ADAMTS20: variants seen among roughly 807,000 people sequenced by gnomAD.
The protein encoded by ADAMTS20 is A disintegrin and metalloproteinase with thrombospondin motifs 20.
A neutral mutation model predicts 260.1 loss-of-function variants in ADAMTS20; 225 were observed. The ratio of observed to expected loss-of-function variants is 0.87; its 90% CI spans 0.78 to 0.97. The LOEUF (loss-of-function observed/expected upper bound fraction) is 0.97, where lower values mean the gene tolerates loss of function less well. Ranked by LOEUF, ADAMTS20 falls within the 50% of genes least tolerant of loss-of-function variation. ADAMTS20 has a pLI of 0.00. For missense variants in ADAMTS20, 2,400 were observed against 2,337.7 expected, an observed-to-expected ratio of 1.03 and a Z score of -0.55; for synonymous variants, 802 against 769.5, an observed-to-expected ratio of 1.04 and a Z score of -0.70.
At chr12:43,446,804 G>T in intron 14 of ADAMTS20, 92 bp from the exon 15 acceptor site, 1 of 1,055,494 alleles carries the variant, frequency 9.5e-7, no homozygotes, top group Non-Finnish European at 1.4e-6. Flanking sequence ...ATATGACAAA[G>T]GGGATTTACC....
At chr12:43,404,392 T>C (rs1430991018) in intron 28 of ADAMTS20, among the ~76,000 whole-genome samples, 9 of 152,184 alleles carry the variant, frequency 5.9e-5, no homozygotes, top group Non-Finnish European at 1.5e-5. Flanking sequence ...CCACATGAAC[T>C]GATTTAGATG....
At chr12:43,359,738 C>A (rs1243476286) in intron 37 of ADAMTS20, among the ~76,000 whole-genome samples, 1 of 152,178 alleles carries the variant, frequency 6.6e-6, no homozygotes, top group East Asian at 1.9e-4. Flanking sequence ...AAAACATTGT[C>A]TTTTCAACAC....
intron 3 of ADAMTS20, among the ~76,000 whole-genome samples, chr12:43,520,995 A>T (rs1349344261): frequency 6.6e-6 from 1 of 152,222 alleles, no homozygotes; most frequent in Non-Finnish European, 1.5e-5. Flanking sequence ...TTCCCAAAGC[A>T]TCTTTTGCAA....
chr12:43,542,399 T>C (rs1048395022), intron 2 of ADAMTS20, among the ~76,000 whole-genome samples: 1 of 152,216 alleles, frequency 6.6e-6, no homozygotes, highest in African/African-American at 2.4e-5. Flanking sequence ...ACATATGCCA[T>C]ACATATGCCA....
chr12:43,465,934 T>C (rs1318375474), intron 9 of ADAMTS20, among the ~76,000 whole-genome samples: 1 of 152,110 alleles, frequency 6.6e-6, no homozygotes, highest in African/African-American at 2.4e-5. Context: ...TGATAATTGA[T>C]GATTTAGAAT....
chr12:43,430,143 TAAA>T (rs11397756), intron 23 of ADAMTS20, among the ~76,000 whole-genome samples: 4 of 127,478 alleles, frequency 3.1e-5, no homozygotes, highest in Admixed American at 1.5e-4. Flanking sequence ...AGATAAAGAG[TAAA>T]AAAAAAAAAA....
At chr12:43,387,336 A>G (rs1940501461) in intron 29 of ADAMTS20, among the ~76,000 whole-genome samples, 7 of 152,122 alleles carry the variant, frequency 4.6e-5, no homozygotes, top group Admixed American at 3.9e-4. Flanking sequence ...AACAGCAAAG[A>G]TTGCTGCCTT....
In ADAMTS20 at chr12:43,524,714, T is replaced by C. The variant is rs887271252; in HGVS notation, c.613+7322A>G. 2.0e-5 allele frequency among the ~76,000 whole-genome samples: 3 copies of C among 152,130 alleles called. No homozygotes were observed. In the South Asian group the frequency reaches 6.2e-4, roughly 31 times the overall value. On this transcript the variant is annotated intron_variant, in intron 3 of 38. Coordinates refer to ENST00000389420, the MANE Select transcript of ADAMTS20 (RefSeq NM_025003.5). ...AAGATATACTTAGGGAAATACAAAA[T>C]GCAGTGGAAACTTTCAACAGCAGAC...
intron 29 of ADAMTS20, among the ~76,000 whole-genome samples, chr12:43,386,947 G>A (rs1008074928): frequency 3.7e-4 from 57 of 152,180 alleles, no homozygotes; most frequent in African/African-American, 1.3e-3. Context: ...CCTTTAGCTC[G>A]GAGGAGTTTG....
intron 14 of ADAMTS20, among the ~76,000 whole-genome samples, chr12:43,447,855 C>T (rs1941791456): frequency 6.6e-6 from 1 of 151,978 alleles, no homozygotes; most frequent in Non-Finnish European, 1.5e-5. Context: ...TATTAACAAA[C>T]TTGAGACCCA....
intron 37 of ADAMTS20, among the ~76,000 whole-genome samples, chr12:43,363,206 C>T (rs1184489487): frequency 6.6e-6 from 1 of 152,022 alleles, no homozygotes; most frequent in Non-Finnish European, 1.5e-5. Flanking sequence ...TACAGGACTC[C>T]ATTTCCCCCT....
rs780926971 is a variant in ADAMTS20 at position 43,550,977 on chromosome 12, A to G, written c.385T>C (p.Cys129Arg). ...GAGTTGACCTGGCCGCGGTAGAAGCAGTGGCGCAGGTCCGAGGGCCCTGCG... is the reference window on the plus strand; with the variant it reads ...GAGTTGACCTGGCCGCGGTAGAAGCGGTGGCGCAGGTCCGAGGGCCCTGCG... Reference protein sequence around the residue: ...SDAGPSDLRHCFYRGQVNSQE... With the variant: ...SDAGPSDLRHRFYRGQVNSQE... Residue 129 changes from cysteine to arginine, a missense_variant, in exon 2 of 39, where the codon TGC becomes CGC. Cys to Arg is a radical substitution (Grantham distance 180). Transcript: ENST00000389420. 1 of 1,608,486 alleles carries G rather than the reference A, an allele frequency of 6.2e-7. No individual in the cohort carries two copies. The highest frequency in any genetic ancestry group is 8.5e-7 in the Non-Finnish European group (1 of 1,176,110).
chr12:43,448,106 C>A (rs891092356), intron 14 of ADAMTS20, among the ~76,000 whole-genome samples: 1 of 152,138 alleles, frequency 6.6e-6, no homozygotes, highest in Non-Finnish European at 1.5e-5. Context: ...ATAAAACTAC[C>A]ATTAATATTC....
chr12:43,464,572 A>G lies in ADAMTS20; in HGVS notation c.1509+19T>C, dbSNP rs1263179364. ...TTATGGCAGTTTTCGAACAAAATAAAGGAATTTTCTTTTCTTACTATATGG... is the reference window on the plus strand; with the variant it reads ...TTATGGCAGTTTTCGAACAAAATAAGGGAATTTTCTTTTCTTACTATATGG... On this transcript the variant is annotated intron_variant, in intron 10 of 38. Transcript: ENST00000389420. The G allele has an allele frequency of 1.2e-6, 2 of 1,604,850 alleles. No individual in the cohort carries two copies. Among genetic ancestry groups the G allele is most frequent in the Non-Finnish European group, 1.7e-6 (2 of 1,177,324 alleles).
At chr12:43,379,955 G>A (rs1338952495) in intron 31 of ADAMTS20, among the ~76,000 whole-genome samples, 2 of 150,704 alleles carry the variant, frequency 1.3e-5, no homozygotes, top group African/African-American at 4.9e-5. Flanking sequence ...ATCCTATGAA[G>A]CCAGTTTTTC....
At chr12:43,382,787 G>T (rs1050343396) in intron 31 of ADAMTS20, among the ~76,000 whole-genome samples, 1 of 151,766 alleles carries the variant, frequency 6.6e-6, no homozygotes, top group African/African-American at 2.4e-5. Context: ...TAAAAAAGCT[G>T]AAATTAAACC....
intron 2 of ADAMTS20, among the ~76,000 whole-genome samples, chr12:43,543,787 T>A (rs1276860535): frequency 6.6e-6 from 1 of 152,178 alleles, no homozygotes; most frequent in Admixed American, 6.5e-5. Flanking sequence ...TCCAGTCTTT[T>A]TTACATCTAG....
intron 11 of ADAMTS20, among the ~76,000 whole-genome samples, chr12:43,458,645 C>T (rs1942008105): frequency 6.6e-6 from 1 of 152,188 alleles, no homozygotes; most frequent in South Asian, 2.1e-4. Context: ...TTGCAATCTG[C>T]CCTCTCCTAC....
In ADAMTS20 at chr12:43,428,268, G is replaced by A; in HGVS notation, c.3918C>T (p.Asn1306=). The A allele has an allele frequency of 1.9e-6, 3 of 1,613,896 alleles. No individual in the cohort carries two copies. The highest frequency in any genetic ancestry group is 2.5e-6 in the Non-Finnish European group (3 of 1,179,866). Reference sequence around the variant, plus strand: ...ATCCCCATGGTCCGGTTCTCCACTGGTTTCCTCTGACTGATGGATGGACCA... The same window carrying A: ...ATCCCCATGGTCCGGTTCTCCACTGATTTCCTCTGACTGATGGATGGACCA... ...NQVVHPSVRG[N]QWRTGPWGSC... The change falls in exon 26 of 39, where the codon AAC becomes AAT. Residue 1306 remains asparagine (N), a synonymous_variant. Transcript: ENST00000389420.
Sources: allele counts gnomAD v4.1 joint callset (sites outside exome capture counted in the v4.1 genomes callset), GRCh38; gene constraint gnomAD v4.1.1; transcripts MANE v1.5; gene names NCBI Gene and HGNC (gene_info 2026-07-23, HGNC 2026-07-21).